NWD1: variants seen among roughly 807,000 people sequenced by gnomAD.
NWD1 encodes NACHT and WD repeat domain containing 1.
A neutral mutation model predicts 135.1 loss-of-function variants in NWD1; 129 were observed. The observed-to-expected ratio is 0.96, with a 90% CI of 0.83 to 1.11. NWD1 has a LOEUF of 1.11. Ranked by LOEUF, NWD1 falls within the 50% of genes least tolerant of loss-of-function variation. The pLI is 0.00. For synonymous variants in NWD1, 773 were observed against 786.0 expected (o/e 0.98, Z 0.28); for missense variants, 1,740 against 1,851.3 (o/e 0.94, Z 1.10).
chr19:16,782,227 A>G (rs1367408357), intron 12 of NWD1, among the ~76,000 whole-genome samples: 1 of 150,106 alleles, frequency 6.7e-6, no homozygotes, highest in Non-Finnish European at 1.5e-5. Flanking sequence ...AGATGGGAGG[A>G]TCACTTGAGG....
chr19:16,791,813 A>G (rs113373075), intron 14 of NWD1, among the ~76,000 whole-genome samples, 191 bp downstream of exon 14: 7,734 of 152,260 alleles, frequency 0.051, 294 homozygotes, highest in African/African-American at 0.1. Context: ...TCTCGGGTTC[A>G]AGCGATTCTC....
chr19:16,788,550 CAGAG>C (rs777712812), intron 12 of NWD1, among the ~76,000 whole-genome samples: 4 of 130,386 alleles, frequency 3.1e-5, no homozygotes, highest in Non-Finnish European at 6.2e-5. Context: ...GCCTGGGTGA[CAGAG>C]AGAGTCCGTC....
intron 3 of NWD1, among the ~76,000 whole-genome samples, chr19:16,733,997 C>T (rs1967685995): frequency 2.6e-5 from 4 of 152,046 alleles, no homozygotes; most frequent in African/African-American, 7.2e-5. Context: ...GGGACTGTTC[C>T]GAGTTGTCTT....
At chr19:16,806,975 C>A (rs1970764216) in intron 17 of NWD1, among the ~76,000 whole-genome samples, 1 of 151,882 alleles carries the variant, frequency 6.6e-6, no homozygotes, top group African/African-American at 2.4e-5. Flanking sequence ...CGAGATTGTG[C>A]CACTGCGCTC....
At chr19:16,809,124 C>G (rs1342060959) in intron 18 of NWD1, among the ~76,000 whole-genome samples, 1 of 151,764 alleles carries the variant, frequency 6.6e-6, no homozygotes, top group African/African-American at 2.4e-5. Flanking sequence ...GAGTCTTGCT[C>G]TGTCACCCAG....
intron 7 of NWD1, among the ~76,000 whole-genome samples, chr19:16,760,229 CATTTTATTTTATTTTATTTT>C (rs59527287): frequency 1.8e-3 from 266 of 143,916 alleles, no homozygotes; most frequent in Admixed American, 3.6e-3. Context: ...TAAAATTCAC[CATTTTATTTTATTTTATTTT>C]ATTTTATTTT....
At chr19:16,775,858 G>A (rs951198661) in intron 11 of NWD1, among the ~76,000 whole-genome samples, 3 of 152,052 alleles carry the variant, frequency 2.0e-5, no homozygotes, top group African/African-American at 7.2e-5. Flanking sequence ...GGTAGAGACA[G>A]GGTTTCACCA....
intron 12 of NWD1, among the ~76,000 whole-genome samples, chr19:16,783,177 G>A (rs910950758): frequency 1.3e-5 from 2 of 151,380 alleles, no homozygotes; most frequent in Non-Finnish European, 2.9e-5. Context: ...GAGCACAGGT[G>A]CATGCCACCA....
At chr19:16,768,580 C>T (rs1246391099) in intron 10 of NWD1, among the ~76,000 whole-genome samples, 1 of 103,986 alleles carries the variant, frequency 9.6e-6, no homozygotes, top group Non-Finnish European at 1.9e-5. Flanking sequence ...CTTTTATGTT[C>T]AGTGATAGGG....
intron 2 of NWD1, 93 bp downstream of exon 2, chr19:16,724,556 G>A (rs1224422831): frequency 5.9e-5 from 9 of 152,176 alleles, no homozygotes; most frequent in African/African-American, 1.9e-4. Flanking sequence ...TTTCAATAAT[G>A]TCAGATCATG....
chr19:16,790,639 A>AATAAT (rs1555730359), intron 13 of NWD1, among the ~76,000 whole-genome samples: 15 of 147,336 alleles, frequency 1.0e-4, no homozygotes, highest in African/African-American at 3.2e-4. Flanking sequence ...CATTAAAAAA[A>AATAAT]AATAAATAAA....
intron 10 of NWD1, among the ~76,000 whole-genome samples, chr19:16,771,083 A>G (rs116536095): frequency 1.4e-3 from 212 of 152,202 alleles, no homozygotes; most frequent in Middle Eastern, 6.8e-3. Flanking sequence ...AAGGATTGCT[A>G]GAGGGCAGGA....
At chr19:16,798,238 G>A (rs1970485228) in intron 16 of NWD1, among the ~76,000 whole-genome samples, 1 of 152,176 alleles carries the variant, frequency 6.6e-6, no homozygotes, top group Admixed American at 6.6e-5. Context: ...CAGATCTTCA[G>A]TGTTTTAGTC....
intron 10 of NWD1, 119 bp from the exon 11 acceptor site, chr19:16,773,007 T>C: frequency 1.2e-6 from 1 of 804,076 alleles, no homozygotes; most frequent in Non-Finnish European, 2.1e-6. Flanking sequence ...CAGAGGCCAG[T>C]AGCTGAGGTA....
rs747257632 is a variant in NWD1 at position 16,773,089 on chromosome 19, C to T, written c.2411-37C>T. The stretch of plus-strand genomic sequence containing the variant: ...ATTGGCAGGGAGGGTAGAGGGGGCT[C>T]AATCCAGGCAACTTAGTCTACATCC... On this transcript the variant is annotated intron_variant, in intron 10 of 18. Transcript: ENST00000524140. The T allele has an allele frequency of 1.4e-5, 23 of 1,591,800 alleles. 2 individuals are homozygous for T. The South Asian group carries it at 2.3e-4, about 16-fold the overall frequency.
Position 16,740,191 on chromosome 19 carries a change from C to T in NWD1, c.198+3441C>T, listed in dbSNP as rs1968023008. On this transcript the variant is annotated intron_variant, in intron 4 of 18. Transcript: ENST00000524140. ...GCTCATGCTTGTAGTCCTAGCTGCTCCGGAGGCTGAGATGGGAAAATCCCT... is the reference window on the plus strand; with the variant it reads ...GCTCATGCTTGTAGTCCTAGCTGCTTCGGAGGCTGAGATGGGAAAATCCCT... 2.6e-5 allele frequency among the ~76,000 whole-genome samples: 4 copies of T among 151,920 alleles called. No homozygotes were observed. In the South Asian group the frequency reaches 6.3e-4, roughly 24 times the overall value.
At chr19:16,722,445 AC>A (rs1431818702) in intron 1 of NWD1, among the ~76,000 whole-genome samples, 1 of 151,642 alleles carries the variant, frequency 6.6e-6, no homozygotes, top group Admixed American at 6.6e-5. Flanking sequence ...ATGAACCATC[AC>A]GCCCAGCTAA....
chr19:16,795,415 CTTTTT>C (rs869281364), intron 15 of NWD1, among the ~76,000 whole-genome samples: 4 of 136,346 alleles, frequency 2.9e-5, no homozygotes, highest in African/African-American at 8.3e-5. Flanking sequence ...TGCTAATTAC[CTTTTT>C]TTTTTTTTTT....
rs999967691 is a variant in NWD1 at position 16,800,037 on chromosome 19, G to A, written c.3611G>A (p.Arg1204Lys). 6 of 1,614,100 alleles carry A rather than the reference G, an allele frequency of 3.7e-6. No homozygotes were observed. In the African/African-American group the frequency reaches 6.7e-5, roughly 18 times the overall value. ...GTCTGGGATCTCAGCGATGCTCATA[G>A]GTCCCGGGTGCCTGCACCATTTCTG... The part of the protein sequence containing the change: ...FKVWDLSDAH[R>K]SRVPAPFLDR... The change falls in exon 17 of 19, where the codon AGG (arginine) becomes AAG (lysine). Residue 1204 changes from arginine (R) to lysine (K), a missense_variant. Coordinates refer to ENST00000524140, the MANE Select transcript of NWD1 (RefSeq NM_001007525.5).
Sources: gnomAD v4.1 joint callset for allele counts (sites outside exome capture counted in the v4.1 genomes callset) on GRCh38, gnomAD v4.1.1 for gene constraint, MANE v1.5 for transcripts, NCBI Gene and HGNC (gene_info 2026-07-23, HGNC 2026-07-21) for gene names.